Variants in DNAH2 observed in about 807,000 individuals in gnomAD.
DNAH2 encodes axonemal beta dynein heavy chain 2.
DNAH2 carries 323 observed loss-of-function variants against 523.5 expected under a neutral mutation model. The ratio of observed to expected loss-of-function variants is 0.62; its 90% CI spans 0.56 to 0.68. The LOEUF is 0.68. DNAH2 is among the 30% of genes least tolerant of loss of function. The pLI, the probability that DNAH2 is intolerant of heterozygous loss-of-function variation, is 0.00. For synonymous variants in DNAH2, 2,093 were observed against 2,177.4 expected, an observed-to-expected ratio of 0.96 and a Z score of 1.08; for missense variants, 4,907 against 5,701.5, an observed-to-expected ratio of 0.86 and a Z score of 4.49.
Position 7,832,919 on chromosome 17 carries a change from TCC to T in DNAH2, c.12974_12975del (p.Pro4325GlnfsTer78), listed in dbSNP as rs775036831. On this transcript the variant is annotated frameshift_variant, in exon 84 of 86. Transcript: ENST00000572933. LOFTEE classifies it high-confidence loss of function. The surrounding 1 kb of genome is among the most constrained non-coding windows in gnomAD (Gnocchi z 4.3). Reference sequence around the variant, plus strand: ...CTGTGGATGACAGCAACCTAGTGTATCCCCCCAAGGTGGGAGCCAGTTGTGCT... The same window carrying T: ...CTGTGGATGACAGCAACCTAGTGTATCCCCAAGGTGGGAGCCAGTTGTGCT... ...STVDDSNLVY[P>X]PKDGVWVRGL... 1 of 1,613,992 alleles carries T rather than the reference TCC, an allele frequency of 6.2e-7. No homozygotes were observed. Among genetic ancestry groups the T allele is most frequent in the Non-Finnish European group, 8.5e-7 (1 of 1,180,006 alleles).
chr17:7,768,435 C>T (rs531687468), intron 24 of DNAH2, among the ~76,000 whole-genome samples, 168 bp downstream of exon 24: 43 of 152,246 alleles, frequency 2.8e-4, no homozygotes, highest in Non-Finnish European at 5.1e-4. Flanking sequence ...TTTTGATGGA[C>T]GCATGAAAAT....
chr17:7,798,753 C>G lies in DNAH2; in HGVS notation c.8559+35C>G, dbSNP rs761149172. On this transcript the variant is annotated intron_variant, in intron 55 of 85. Transcript: ENST00000572933. This position sits in a 1 kb window ranked among gnomAD's most constrained non-coding sequence, Gnocchi z 5.5. Reference sequence around the variant, plus strand: ...CTTCCACACCCTTGACCAGTCAGTTCTTTGGCCTGCCTAGCTGACCCCAGA... The same window carrying G: ...CTTCCACACCCTTGACCAGTCAGTTGTTTGGCCTGCCTAGCTGACCCCAGA... The G allele has an allele frequency of 2.8e-5, 44 of 1,594,470 alleles. No individual in the cohort carries two copies. Among genetic ancestry groups the G allele is most frequent in the Non-Finnish European group, 3.5e-5 (41 of 1,171,510 alleles).
chr17:7,797,121 A>G, intron 50 of DNAH2, 55 bp from the exon 51 acceptor site: 2 of 1,393,924 alleles, frequency 1.4e-6, no homozygotes, highest in Non-Finnish European at 2.0e-6. Context: ...AAAAAAAAAA[A>G]CTTCTGGAGG....
In DNAH2 at chr17:7,754,051, G is replaced by A. The variant is rs2075766979; in HGVS notation, c.1905-3040G>A. On this transcript the variant is annotated intron_variant, in intron 12 of 85. Coordinates refer to ENST00000572933, the MANE Select transcript of DNAH2 (RefSeq NM_020877.5). This position sits in a 1 kb window ranked among gnomAD's most constrained non-coding sequence, Gnocchi z 4.6. ...GGGGATGCTTGGTGAGTGTGATGAG[G>A]GCATTTGATGGGTGGAGTGGGAGCC... Among the ~76,000 whole-genome samples the A allele has an allele frequency of 6.6e-6, 1 of 152,002 alleles. No homozygotes were observed. Among genetic ancestry groups the A allele is most frequent in the African/African-American group, 2.4e-5 (1 of 41,366 alleles).
chr17:7,741,228 TTCTCTC>T (rs370136085), intron 11 of DNAH2, among the ~76,000 whole-genome samples: 31 of 141,180 alleles, frequency 2.2e-4, no homozygotes, highest in South Asian at 4.5e-4. Context: ...TTTCTTTTTT[TTCTCTC>T]TCTCTTTCTT....
intron 2 of DNAH2, among the ~76,000 whole-genome samples, chr17:7,722,189 G>GT (rs994212710): frequency 3.8e-4 from 4 of 10,618 alleles, no homozygotes; most frequent in African/African-American, 1.5e-3. Flanking sequence ...TATAGAGACG[G>GT]GGGGGGGGGT....
At position 7,793,455 on chromosome 17, in the gene DNAH2, CTTTCTT is replaced by C. The variant is rs1180561910; in HGVS notation, c.7569+252_7569+257del. Among the ~76,000 whole-genome samples, 10 of 83,916 alleles carry C rather than the reference CTTTCTT, an allele frequency of 1.2e-4. No homozygotes were observed. In the South Asian group the frequency reaches 2.4e-3, roughly 20 times the overall value. 55.1% of individuals were successfully genotyped at this position (83,916 alleles called of 152,430 possible). On this transcript the variant is annotated intron_variant, in intron 48 of 85. Coordinates refer to ENST00000572933, the MANE Select transcript of DNAH2 (RefSeq NM_020877.5). ...GCTTTTTCTTTCTTTCTTTTTCTTT[CTTTCTT>C]TCTTTCTTTCTTTCTTTCTTTCTTT...
In DNAH2 at chr17:7,739,759, C is replaced by T. The variant is rs751473511; in HGVS notation, c.1197C>T (p.Ala399=). ...RKVCDCQYHF[A]RWEDGKQGPL... ...TATGTGACTGTCAGTATCACTTCGC[C>T]CGCTGGGAAGATGGCAAGCAGGGTC... The change falls in exon 9 of 86, where the codon GCC becomes GCT. Residue 399 remains alanine, a synonymous_variant. Coordinates refer to ENST00000572933, the MANE Select transcript of DNAH2 (RefSeq NM_020877.5). 1.9e-5 allele frequency: 31 copies of T among 1,613,474 alleles called. No individual in the cohort carries two copies. The highest frequency in any genetic ancestry group is 2.5e-5 in the Non-Finnish European group (29 of 1,180,032).
At chr17:7,810,585 C>T (rs527975704) in intron 63 of DNAH2, among the ~76,000 whole-genome samples, 4 of 152,164 alleles carry the variant, frequency 2.6e-5, no homozygotes, top group Admixed American at 1.3e-4. Context: ...GATGGGGTTT[C>T]ACCACGTTGG....
Position 7,781,100 on chromosome 17 carries a change from C to T in DNAH2, c.6062C>T (p.Pro2021Leu), listed in dbSNP as rs781550629. The T allele has an allele frequency of 8.7e-6, 14 of 1,614,060 alleles. No homozygotes were observed. The highest frequency in any genetic ancestry group is 1.7e-6 in the Non-Finnish European group (2 of 1,180,042). ...GCCAAGCTCACTTCAGTTGATGCAC[C>T]CCTGTTCAATGCCATCGTGCAAGAT... ...NIAKLTSVDA[P>L]LFNAIVQDLF... The change falls in exon 39 of 86, where the codon CCC becomes CTC. Residue 2021 changes from proline to leucine, a missense_variant. Pro to Leu is a moderately conservative substitution (Grantham distance 98, BLOSUM62 -3). Coordinates refer to ENST00000572933, the MANE Select transcript of DNAH2 (RefSeq NM_020877.5).
intron 63 of DNAH2, among the ~76,000 whole-genome samples, chr17:7,815,452 C>A (rs2077633711): frequency 6.6e-6 from 1 of 152,190 alleles, no homozygotes; most frequent in African/African-American, 2.4e-5. Flanking sequence ...GTGATACAGT[C>A]TGTAACCAGG....
chr17:7,763,875 C>T lies in DNAH2; in HGVS notation c.3023C>T (p.Thr1008Ile). The T allele has an allele frequency of 6.2e-7, 1 of 1,614,196 alleles. No individual in the cohort carries two copies. Among genetic ancestry groups the T allele is most frequent in the Non-Finnish European group, 8.5e-7 (1 of 1,180,036 alleles). ...ANNVQKEETV[T>I]NIQFVLLDCS... ...AACGTGCAGAAGGAGGAGACAGTCA[C>T]CAACATCCAGTTTGTGCTGCTGGAC... Residue 1008 changes from threonine to isoleucine, a missense_variant, in exon 19 of 86, where the codon ACC (threonine) becomes ATC (isoleucine). By Grantham distance (89) the Thr-to-Ile change is moderately conservative (BLOSUM62 -1). Around this residue, in one of 3 missense-constraint regions of DNAH2, gnomAD observed 2,806 missense variants for 3,190.8 expected, o/e 0.88. Coordinates refer to ENST00000572933, the MANE Select transcript of DNAH2 (RefSeq NM_020877.5).
Position 7,780,951 on chromosome 17 carries a change from A to G in DNAH2, c.6004-91A>G. Reference sequence around the variant, plus strand: ...TTGCTAATGGCTAACTGGTGTATCCATTGTTCTTGGCACGTGCCCCGAAGC... The same window carrying G: ...TTGCTAATGGCTAACTGGTGTATCCGTTGTTCTTGGCACGTGCCCCGAAGC... On this transcript the variant is annotated intron_variant, in intron 38 of 85. Coordinates refer to ENST00000572933, the MANE Select transcript of DNAH2 (RefSeq NM_020877.5). The surrounding 1 kb of genome is among the most constrained non-coding windows in gnomAD (Gnocchi z 4.4). 2 of 1,601,562 alleles carry G rather than the reference A, an allele frequency of 1.2e-6. No homozygotes were observed. Among genetic ancestry groups the G allele is most frequent in the Non-Finnish European group, 1.7e-6 (2 of 1,173,786 alleles).
chr17:7,770,720 G>C, intron 26 of DNAH2, 33 bp from the exon 27 acceptor site: 1 of 1,613,968 alleles, frequency 6.2e-7, no homozygotes, highest in African/African-American at 1.3e-5. Flanking sequence ...GGCAGGTGGG[G>C]ATGAACTATG....
At position 7,740,839 on chromosome 17, in the gene DNAH2, G is replaced by T. The variant is rs764741446; in HGVS notation, c.1536G>T (p.Ala512=). The T allele has an allele frequency of 3.7e-6, 6 of 1,610,832 alleles. No individual in the cohort carries two copies. Among genetic ancestry groups the T allele is most frequent in the Non-Finnish European group, 5.1e-6 (6 of 1,177,342 alleles). ...TCAAGCGGACTTATGACAAGAAGGCGGTGGATCTCTACATGCTGTTCAATA... is the reference window on the plus strand; with the variant it reads ...TCAAGCGGACTTATGACAAGAAGGCTGTGGATCTCTACATGCTGTTCAATA... The part of the protein sequence containing the change: ...EAIKRTYDKK[A]VDLYMLFNSE... The change falls in exon 11 of 86, where the codon GCG becomes GCT. Residue 512 remains alanine (A), a synonymous_variant. Coordinates refer to ENST00000572933, the MANE Select transcript of DNAH2 (RefSeq NM_020877.5).
chr17:7,739,725 T>A lies in DNAH2; in HGVS notation c.1171-8T>A. ...AAGCAGGAACCCTCATGCTGTCTTC[T>A]TTTTTAGGTATGTGACTGTCAGTAT... On this transcript the variant is annotated splice_region_variant and splice_polypyrimidine_tract_variant and intron_variant, in intron 8 of 85. Transcript: ENST00000572933. 1 of 1,611,074 alleles carries A rather than the reference T, an allele frequency of 6.2e-7. No homozygotes were observed. Among genetic ancestry groups the A allele is most frequent in the African/African-American group, 1.3e-5 (1 of 74,988 alleles).
chr17:7,773,188 T>C lies in DNAH2; in HGVS notation c.4502-1571T>C, dbSNP rs570258963. Among the ~76,000 whole-genome samples, 5 of 152,316 alleles carry C rather than the reference T, an allele frequency of 3.3e-5. No individual in the cohort carries two copies. In the South Asian group the frequency reaches 1.0e-3, roughly 32 times the overall value. ...AAGAACTACTATCTGATTGGGGGTC[T>C]TCTGCCGCCTGCTCTGGGACTCTTT... On this transcript the variant is annotated intron_variant, in intron 28 of 85. Coordinates refer to ENST00000572933, the MANE Select transcript of DNAH2 (RefSeq NM_020877.5).
Position 7,819,385 on chromosome 17 carries a change from C to T in DNAH2, c.10992C>T (p.Asp3664=). Residue 3664 remains aspartate, a synonymous_variant, in exon 72 of 86, where the codon GAC becomes GAT. Transcript: ENST00000572933. The stretch of plus-strand genomic sequence containing the variant: ...AGGACCGCATTGACTACCTGAATGA[C>T]TACCACACCTACGCTGTCTACAGGT... ...KLEDRIDYLN[D]YHTYAVYRYT... The T allele has an allele frequency of 6.2e-7, 1 of 1,614,274 alleles. No homozygotes were observed. Among genetic ancestry groups the T allele is most frequent in the Non-Finnish European group, 8.5e-7 (1 of 1,180,054 alleles).
intron 63 of DNAH2, among the ~76,000 whole-genome samples, chr17:7,814,850 AAAAC>A (rs779497174): frequency 2.6e-5 from 4 of 152,268 alleles, no homozygotes; most frequent in Admixed American, 6.5e-5. Context: ...ACTCCGTCTC[AAAAC>A]AAACAAACAA....
Sources: allele counts gnomAD v4.1 joint callset (sites outside exome capture counted in the v4.1 genomes callset), GRCh38; gene constraint gnomAD v4.1.1; regional missense constraint gnomAD v4.1.1; non-coding constraint Gnocchi (gnomAD v3.1); transcripts MANE v1.5; gene names NCBI Gene and HGNC (gene_info 2026-07-23, HGNC 2026-07-21).